Variants in DNAJC3 observed in about 807,000 individuals in gnomAD.
DNAJC3 encodes DnaJ heat shock protein family (Hsp40) member C3.
Under a neutral mutation model 68.6 loss-of-function variants are expected in DNAJC3, and 38 were observed. The ratio of observed to expected loss-of-function variants is 0.55; its 90% CI spans 0.43 to 0.73. The LOEUF is 0.73. DNAJC3 is among the 30% of genes least tolerant of loss of function. The probability of loss-of-function intolerance (pLI) is 0.00; values close to 1 mark genes in which losing one functional copy is unlikely to be tolerated. For missense variants in DNAJC3, 526 were observed against 591.9 expected, an observed-to-expected ratio of 0.89 and a Z score of 1.16; for synonymous variants, 203 against 204.0, an observed-to-expected ratio of 1.00 and a Z score of 0.04.
At chr13:95,681,821 T>A (rs973608368) in intron 1 of DNAJC3, among the ~76,000 whole-genome samples, 1 of 152,256 alleles carries the variant, frequency 6.6e-6, no homozygotes, top group African/African-American at 2.4e-5. Flanking sequence ...CTCCCCTACC[T>A]CATTCTTTTA....
Position 95,790,980 on chromosome 13 carries a change from A to G in DNAJC3, c.1465A>G (p.Asn489Asp), listed in dbSNP as rs1315286246. 1 of 1,613,718 alleles carries G rather than the reference A, an allele frequency of 6.2e-7. No individual in the cohort carries two copies. Among genetic ancestry groups the G allele is most frequent in the Non-Finnish European group, 8.5e-7 (1 of 1,179,908 alleles). Residue 489 changes from asparagine to aspartate, a missense_variant, in exon 12 of 12, where the codon AAT (asparagine) becomes GAT (aspartate). By Grantham distance (23) the Asn-to-Asp change is conservative (BLOSUM62 1). Coordinates refer to ENST00000602402, the MANE Select transcript of DNAJC3 (RefSeq NM_006260.5). ...AAGCTGGAACTCATGGCAAGGGTTC[A>G]ATCCCTTCAGCTCAGGCGGACCATT... ...HRSWNSWQGF[N>D]PFSSGGPFRF... is the part of the protein sequence containing the mutation.
intron 1 of DNAJC3, among the ~76,000 whole-genome samples, chr13:95,683,816 C>T (rs976219514): frequency 6.6e-6 from 1 of 151,202 alleles, no homozygotes; most frequent in African/African-American, 2.4e-5. Flanking sequence ...CGCCTGAAAT[C>T]CCAGCTACTT....
At chr13:95,700,220 G>T (rs1566472801) in intron 1 of DNAJC3, among the ~76,000 whole-genome samples, 1 of 151,970 alleles carries the variant, frequency 6.6e-6, no homozygotes, top group Non-Finnish European at 1.5e-5. Context: ...TGAATAGCTG[G>T]GATTACAGGT....
rs1883790840 is a variant in DNAJC3 at position 95,791,977 on chromosome 13, G to C, written c.*947G>C. The C allele has an allele frequency of 6.6e-6, 1 of 152,214 alleles. No homozygotes were observed. The highest frequency in any genetic ancestry group is 2.4e-5 in the African/African-American group (1 of 41,454). 9.4% of individuals were successfully genotyped at this position (152,214 alleles called of 1,614,324 possible). On this transcript the variant is annotated 3_prime_UTR_variant, in exon 12 of 12. Transcript: ENST00000602402. ...TGTTCTCCACTTCTAAGTAAAGACA[G>C]TGGGCAGCTTCTGTTTCTCCTTCTA... is the stretch of plus-strand genomic sequence containing the variant.
chr13:95,706,902 A>C (rs898939783), intron 1 of DNAJC3, among the ~76,000 whole-genome samples: 1 of 152,244 alleles, frequency 6.6e-6, no homozygotes, highest in Admixed American at 6.5e-5. Context: ...TTTCAGCTAA[A>C]TCAGCTCTAA....
At chr13:95,743,176 C>A (rs1882201704) in intron 4 of DNAJC3, among the ~76,000 whole-genome samples, 1 of 152,122 alleles carries the variant, frequency 6.6e-6, no homozygotes, top group Non-Finnish European at 1.5e-5. Flanking sequence ...CTGTTGATTA[C>A]TATAGATAGT....
chr13:95,743,632 A>G (rs898697227), intron 4 of DNAJC3, among the ~76,000 whole-genome samples: 1 of 152,022 alleles, frequency 6.6e-6, no homozygotes, highest in African/African-American at 2.4e-5. Flanking sequence ...ATCTCGGCCC[A>G]CTGCAACCTC....
At chr13:95,677,418 G>T in intron 1 of DNAJC3, 81 bp downstream of exon 1, 1 of 1,421,724 alleles carries the variant, frequency 7.0e-7, no homozygotes, top group East Asian at 2.8e-5. Flanking sequence ...CCGGGCGCCT[G>T]TCCCGGAGCG....
chr13:95,697,241 G>A (rs760717102), intron 1 of DNAJC3, among the ~76,000 whole-genome samples: 16 of 152,098 alleles, frequency 1.1e-4, no homozygotes, highest in Non-Finnish European at 2.1e-4. Flanking sequence ...TTTAGTGTTT[G>A]CTTGTCTGTA....
chr13:95,771,804 C>T (rs760705765), intron 9 of DNAJC3, among the ~76,000 whole-genome samples: 6 of 151,498 alleles, frequency 4.0e-5, no homozygotes, highest in African/African-American at 7.3e-5. Context: ...CACCCCCCCA[C>T]AGGCAACTCT....
At chr13:95,715,483 C>CTT (rs374834820) in intron 2 of DNAJC3, among the ~76,000 whole-genome samples, 18 of 138,986 alleles carry the variant, frequency 1.3e-4, no homozygotes, top group African/African-American at 3.2e-4. Flanking sequence ...GTTTCTTTTT[C>CTT]TTTTTTTTTT....
At chr13:95,783,104 G>GTGTTT (rs947362969) in intron 9 of DNAJC3, among the ~76,000 whole-genome samples, 58 of 152,104 alleles carry the variant, frequency 3.8e-4, no homozygotes, top group African/African-American at 9.6e-4. Flanking sequence ...TGTCTATTGG[G>GTGTTT]TGTTTTGTTT....
chr13:95,770,257 A>G (rs1883122284), intron 9 of DNAJC3, among the ~76,000 whole-genome samples: 1 of 152,172 alleles, frequency 6.6e-6, no homozygotes, highest in Admixed American at 6.5e-5. Context: ...AGGCTTCTTT[A>G]AGAAAGGAAA....
At chr13:95,786,935 A>G in intron 10 of DNAJC3, 72 bp from the exon 11 acceptor site, 1 of 1,534,580 alleles carries the variant, frequency 6.5e-7, no homozygotes, top group Non-Finnish European at 8.8e-7. Flanking sequence ...GATCTTAATC[A>G]GCTCTTCTGA....
At chr13:95,781,565 G>A (rs1883455314) in intron 9 of DNAJC3, among the ~76,000 whole-genome samples, 1 of 152,076 alleles carries the variant, frequency 6.6e-6, no homozygotes, top group South Asian at 2.1e-4. Flanking sequence ...TGGCAAGGAG[G>A]GTAGGCAAAC....
At chr13:95,690,857 A>C (rs1880222309) in intron 1 of DNAJC3, among the ~76,000 whole-genome samples, 1 of 112,862 alleles carries the variant, frequency 8.9e-6, no homozygotes, top group Non-Finnish European at 1.8e-5. Context: ...ACTTCCCAGT[A>C]GGGGCGGCCG....
intron 4 of DNAJC3, among the ~76,000 whole-genome samples, chr13:95,742,175 A>G (rs868463773): frequency 7.9e-5 from 12 of 152,114 alleles, no homozygotes; most frequent in Admixed American, 3.9e-4. Flanking sequence ...ATGTGTAGCA[A>G]TCCTTCTCCT....
chr13:95,752,817 G>T (rs1882522276), intron 4 of DNAJC3, among the ~76,000 whole-genome samples: 1 of 152,170 alleles, frequency 6.6e-6, no homozygotes, highest in Non-Finnish European at 1.5e-5. Context: ...AGTGTTATCT[G>T]CCTCAGAGAG....
Position 95,677,232 on chromosome 13 carries a change from C to A in DNAJC3, c.-24C>A. On this transcript the variant is annotated 5_prime_UTR_variant, in exon 1 of 12. Coordinates refer to ENST00000602402, the MANE Select transcript of DNAJC3 (RefSeq NM_006260.5). ...GCTGGTGGGCCACACACCTTTCCTC[C>A]TCTTCACTCGCGAGCCCTCGGACAT... 1 of 1,598,140 alleles carries A rather than the reference C, an allele frequency of 6.3e-7. No homozygotes were observed. Among genetic ancestry groups the A allele is most frequent in the Non-Finnish European group, 8.5e-7 (1 of 1,173,804 alleles).
Sources: gnomAD v4.1 joint callset for allele counts (sites outside exome capture counted in the v4.1 genomes callset) on GRCh38, gnomAD v4.1.1 for gene constraint, MANE v1.5 for transcripts, NCBI Gene and HGNC (gene_info 2026-07-23, HGNC 2026-07-21) for gene names.